The following RAB21 variants were observed in gnomAD, a reference collection of about 807,000 sequenced individuals.
RAB21 encodes the protein ras-related protein Rab-21.
RAB21 carries 13 observed loss-of-function variants against 33.1 expected under a neutral mutation model. That is an observed-to-expected ratio of 0.39 (90% CI 0.26 to 0.62). The LOEUF (loss-of-function observed/expected upper bound fraction) is 0.62, where lower values mean the gene tolerates loss of function less well. Ranked by LOEUF, RAB21 falls within the 20% of genes least tolerant of loss-of-function variation. The pLI is 0.48. For synonymous variants in RAB21, 91 were observed against 103.7 expected (o/e 0.88, Z 0.74); for missense variants, 234 against 279.1 (o/e 0.84, Z 1.15).
At chr12:71,764,441 T>C (rs1232206775) in intron 1 of RAB21, among the ~76,000 whole-genome samples, 1 of 152,192 alleles carries the variant, frequency 6.6e-6, no homozygotes, top group African/African-American at 2.4e-5. Flanking sequence ...TTTGATTGTT[T>C]GCTGCTATCT....
intron 6 of RAB21, among the ~76,000 whole-genome samples, chr12:71,783,167 T>A (rs1883226273): frequency 6.6e-6 from 1 of 152,060 alleles, no homozygotes. Flanking sequence ...GGAATAAAGT[T>A]ATGGGTCTGA....
intron 6 of RAB21, among the ~76,000 whole-genome samples, chr12:71,784,985 CAG>C (rs1253170345): frequency 1.3e-5 from 2 of 151,704 alleles, no homozygotes; most frequent in Non-Finnish European, 2.9e-5. Context: ...TCCAGCTACT[CAG>C]GGACTGAGGC....
At chr12:71,762,794 C>T (rs1400342921) in intron 1 of RAB21, among the ~76,000 whole-genome samples, 2 of 152,034 alleles carry the variant, frequency 1.3e-5, no homozygotes, top group African/African-American at 2.4e-5. Flanking sequence ...GTTGGTCAGG[C>T]TGGTCCCGAA....
intron 1 of RAB21, among the ~76,000 whole-genome samples, chr12:71,764,346 A>G (rs1882927071): frequency 6.6e-6 from 1 of 152,222 alleles, no homozygotes; most frequent in Non-Finnish European, 1.5e-5. Flanking sequence ...AGTAATTATT[A>G]TAACTACAGT....
chr12:71,774,109 T>C (rs1271725262), intron 4 of RAB21, 87 bp downstream of exon 4: 26 of 871,038 alleles, frequency 3.0e-5, no homozygotes, highest in Middle Eastern at 2.4e-4. Context: ...TTTAAAGTTA[T>C]ATGAGAAAGG....
chr12:71,774,154 A>G (rs2137650574), intron 4 of RAB21, 132 bp downstream of exon 4: 1 of 578,384 alleles, frequency 1.7e-6, no homozygotes, highest in Non-Finnish European at 2.7e-6. Flanking sequence ...TTTTAGAATA[A>G]TTTAGGATTT....
At chr12:71,773,783 A>T (rs1321116795) in intron 3 of RAB21, among the ~76,000 whole-genome samples, 176 bp from the exon 4 acceptor site, 1 of 152,196 alleles carries the variant, frequency 6.6e-6, no homozygotes, top group African/African-American at 2.4e-5. Context: ...ATATGTATAT[A>T]GTTTGCAATA....
chr12:71,799,578 T>G lies in RAB21; in HGVS notation c.*13905T>G, dbSNP rs1883511101. On this transcript the variant is annotated 3_prime_UTR_variant, in exon 7 of 7. Coordinates refer to ENST00000261263, the MANE Select transcript of RAB21 (RefSeq NM_014999.4). The stretch of plus-strand genomic sequence containing the variant: ...TTGTAAATTGACACCAGTAGGGGAA[T>G]AGTAAAATCAATTACTATGCATGCA... The G allele has an allele frequency of 6.6e-6, 1 of 152,132 alleles. No homozygotes were observed. The highest frequency in any genetic ancestry group is 2.4e-5 in the African/African-American group (1 of 41,418). The allele number at this position is 152,132 out of a possible 1,614,324, so 9.4% of individuals were successfully genotyped here. A position where few individuals can be genotyped will look rare whatever the true frequency, so the allele number is the denominator to read the frequency against.
rs754958654 is a variant in RAB21, at chr12:71,770,684, A to T, written c.312A>T (p.Glu104Asp). Reference sequence around the variant, plus strand: ...TTTTAGTTTATGACATAACAGATGAAGATTCTTTTCAGAAGGTATTCTATT... The same window carrying T: ...TTTTAGTTTATGACATAACAGATGATGATTCTTTTCAGAAGGTATTCTATT... Reference protein sequence around the residue: ...GAILVYDITDEDSFQKVKNWV... With the variant: ...GAILVYDITDDDSFQKVKNWV... The change falls in exon 3 of 7, where the codon GAA (glutamate) becomes GAT (aspartate). Residue 104 changes from glutamate (E) to aspartate (D), a missense_variant. Glu to Asp is a conservative substitution (Grantham distance 45). Transcript: ENST00000261263. The T allele has an allele frequency of 1.9e-6, 3 of 1,586,482 alleles. No homozygotes were observed. The highest frequency in any genetic ancestry group is 1.3e-5 in the African/African-American group (1 of 74,256).
intron 1 of RAB21, among the ~76,000 whole-genome samples, chr12:71,768,836 CAGTCAGCT>C (rs1882998799): frequency 6.6e-6 from 1 of 152,176 alleles, no homozygotes; most frequent in Admixed American, 6.6e-5. Flanking sequence ...TGTATAAATA[CAGTCAGCT>C]AGCCTTCCTT....
At chr12:71,778,983 A>G (rs1375548654) in intron 4 of RAB21, among the ~76,000 whole-genome samples, 7 of 152,222 alleles carry the variant, frequency 4.6e-5, no homozygotes, top group Admixed American at 4.6e-4. Context: ...TTACAACAAT[A>G]TTGACTTTCC....
chr12:71,783,393 CTT>C (rs1012912959), intron 6 of RAB21, among the ~76,000 whole-genome samples: 12 of 151,574 alleles, frequency 7.9e-5, no homozygotes, highest in African/African-American at 1.2e-4. Context: ...ACTTTAGACT[CTT>C]TTGAGAATTT....
At position 71,797,219 on chromosome 12, in the gene RAB21, G is replaced by A. The variant is rs1883474799; in HGVS notation, c.*11546G>A. On this transcript the variant is annotated 3_prime_UTR_variant, in exon 7 of 7. Coordinates refer to ENST00000261263, the MANE Select transcript of RAB21 (RefSeq NM_014999.4). Reference sequence around the variant, plus strand: ...TGGACCCATTAAAAATGGAGGAAAAGGTAAAGTTAGTATTTGTAGATGATA... The same window carrying A: ...TGGACCCATTAAAAATGGAGGAAAAAGTAAAGTTAGTATTTGTAGATGATA... 1 of 152,106 alleles carries A rather than the reference G, an allele frequency of 6.6e-6. No homozygotes were observed. Among genetic ancestry groups the A allele is most frequent in the South Asian group, 2.1e-4 (1 of 4,826 alleles). 9.4% of individuals were successfully genotyped at this position (152,106 alleles called of 1,614,324 possible).
chr12:71,757,776 C>CT (rs34897124), intron 1 of RAB21, among the ~76,000 whole-genome samples: 1 of 152,068 alleles, frequency 6.6e-6, no homozygotes, highest in East Asian at 1.9e-4. Flanking sequence ...AAGAGTTCAC[C>CT]TTTTTTCTCG....
chr12:71,768,859 C>T (rs1308766026), intron 1 of RAB21, among the ~76,000 whole-genome samples: 1 of 152,204 alleles, frequency 6.6e-6, no homozygotes, highest in Non-Finnish European at 1.5e-5. Flanking sequence ...TTCCTTTTGG[C>T]AGCATCCTAA....
chr12:71,758,907 A>C (rs1882829452), intron 1 of RAB21, among the ~76,000 whole-genome samples: 1 of 152,092 alleles, frequency 6.6e-6, no homozygotes, highest in African/African-American at 2.4e-5. Context: ...GCAGGCTGTC[A>C]CCTCTCCTGT....
chr12:71,784,008 A>G (rs1209177959), intron 6 of RAB21, among the ~76,000 whole-genome samples: 1 of 152,246 alleles, frequency 6.6e-6, no homozygotes, highest in Non-Finnish European at 1.5e-5. Flanking sequence ...AAGTACTAAT[A>G]TGTACATTTT....
chr12:71,773,938 T>G (rs763362278), intron 3 of RAB21, 21 bp from the exon 4 acceptor site: 1 of 1,536,262 alleles, frequency 6.5e-7, no homozygotes, highest in Admixed American at 2.0e-5. Context: ...TGTTTTAATA[T>G]GTGCTCTTTT....
chr12:71,774,661 G>A lies in RAB21; in HGVS notation c.391+639G>A, dbSNP rs574726153. ...AATCCCAGCTACTTGGGAGGCAGAG[G>A]CAGGAGAATCACTTGAACCCAGGAG... On this transcript the variant is annotated intron_variant, in intron 4 of 6. Coordinates refer to ENST00000261263, the MANE Select transcript of RAB21 (RefSeq NM_014999.4). Among the ~76,000 whole-genome samples, 8 of 151,864 alleles carry A rather than the reference G, an allele frequency of 5.3e-5. No individual in the cohort carries two copies. In the South Asian group the frequency reaches 1.7e-3, roughly 32 times the overall value.
Sources: gnomAD v4.1 joint callset for allele counts (sites outside exome capture counted in the v4.1 genomes callset) on GRCh38, gnomAD v4.1.1 for gene constraint, MANE v1.5 for transcripts, NCBI Gene and HGNC (gene_info 2026-07-23, HGNC 2026-07-21) for gene names.